The following N4BP2L2 variants were observed in gnomAD, a reference collection of about 807,000 sequenced individuals.
The protein encoded by N4BP2L2 is NEDD4-binding protein 2-like 2.
Under a neutral mutation model 56.2 loss-of-function variants are expected in N4BP2L2, and 50 were observed. The ratio of observed to expected loss-of-function variants is 0.89; its 90% confidence interval spans 0.71 to 1.13. The LOEUF is 1.13. Ranked by LOEUF, N4BP2L2 falls within the 50% of genes most tolerant of loss-of-function variation. N4BP2L2 has a pLI of 0.00. For synonymous variants in N4BP2L2, 203 were observed against 223.6 expected (o/e 0.91, Z 0.82); for missense variants, 689 against 693.8 (o/e 0.99, Z 0.08).
chr13:32,450,410 C>T (rs372996295), intron 6 of N4BP2L2, among the ~76,000 whole-genome samples: 34 of 149,764 alleles, frequency 2.3e-4, no homozygotes, highest in African/African-American at 7.9e-4. Flanking sequence ...CTGCAAGCTC[C>T]GCCTCCCAGG....
exon 7 of N4BP2L2, chr13:32,443,026 T>C (rs1431750366): frequency 1.2e-6 from 2 of 1,609,234 alleles, no homozygotes; most frequent in Non-Finnish European, 8.5e-7. Context: ...GATACGACTC[T>C]GTCCTAATAA....
chr13:32,495,261 T>C (rs1022385641), intron 6 of N4BP2L2, among the ~76,000 whole-genome samples: 7 of 152,110 alleles, frequency 4.6e-5, no homozygotes, highest in African/African-American at 1.7e-4. Context: ...ATTTGGCAAA[T>C]AGTGTCCTGA....
intron 6 of N4BP2L2, among the ~76,000 whole-genome samples, chr13:32,458,612 A>C (rs573428763): frequency 1.3e-5 from 2 of 152,320 alleles, no homozygotes; most frequent in East Asian, 3.9e-4. Context: ...GTATGCACCC[A>C]ACATCAAAGC....
chr13:32,495,913 C>T (rs77551387), intron 6 of N4BP2L2, among the ~76,000 whole-genome samples: 12,005 of 152,140 alleles, frequency 0.079, 568 homozygotes, highest in East Asian at 0.21. Context: ...TAACTCCTGA[C>T]TTCAAGTGAT....
At chr13:32,471,831 C>G (rs1289249219) in intron 6 of N4BP2L2, among the ~76,000 whole-genome samples, 1 of 152,242 alleles carries the variant, frequency 6.6e-6, no homozygotes, top group East Asian at 1.9e-4. Flanking sequence ...AGTGTTCTTT[C>G]AGCTATTTGT....
At chr13:32,491,635 A>ATAT (rs1418093932) in intron 6 of N4BP2L2, among the ~76,000 whole-genome samples, 35 of 132,474 alleles carry the variant, frequency 2.6e-4, no homozygotes, top group South Asian at 4.8e-4. Flanking sequence ...ATATATATAT[A>ATAT]TTTTTTTTTT....
chr13:32,477,773 G>T, intron 6 of N4BP2L2: 1 of 862,462 alleles, frequency 1.2e-6, no homozygotes, highest in Non-Finnish European at 1.6e-6. Flanking sequence ...GTTCCAATTG[G>T]GCCTGACCAG....
chr13:32,498,987 TAA>T (rs34972549), intron 6 of N4BP2L2, among the ~76,000 whole-genome samples: 139 of 87,104 alleles, frequency 1.6e-3, no homozygotes, highest in African/African-American at 2.5e-3. Context: ...AGACTCTGTC[TAA>T]AAAAAAAAAA....
intron 6 of N4BP2L2, among the ~76,000 whole-genome samples, chr13:32,502,103 G>A (rs903708994): frequency 4.4e-5 from 6 of 136,590 alleles, no homozygotes; most frequent in South Asian, 2.3e-4. Context: ...TTGCTCTGTC[G>A]CCCAGGCTGG....
At chr13:32,472,427 T>C (rs1447413884) in intron 6 of N4BP2L2, among the ~76,000 whole-genome samples, 2 of 152,208 alleles carry the variant, frequency 1.3e-5, no homozygotes, top group Non-Finnish European at 2.9e-5. Flanking sequence ...TTTTTCTTCA[T>C]ATATAATGCC....
intron 6 of N4BP2L2, among the ~76,000 whole-genome samples, chr13:32,488,046 T>C (rs774967826): frequency 6.6e-6 from 1 of 151,988 alleles, no homozygotes; most frequent in African/African-American, 2.4e-5. Flanking sequence ...ACTATCATCA[T>C]CCCCATTTAA....
At chr13:32,440,568 G>T (rs2076160166) in intron 7 of N4BP2L2, among the ~76,000 whole-genome samples, 1 of 152,008 alleles carries the variant, frequency 6.6e-6, no homozygotes, top group African/African-American at 2.4e-5. Flanking sequence ...CCAGGTTCAA[G>T]CAATTATCCT....
In N4BP2L2 at chr13:32,481,118, C is replaced by CAAAAAAAAAAAAAAAAAAAAAAA. The variant is rs60854435; in HGVS notation, c.365+36716_365+36738dup. Among the ~76,000 whole-genome samples, 3 of 20,714 alleles carry CAAAAAAAAAAAAAAAAAAAAAAA rather than the reference C, an allele frequency of 1.4e-4. 1 individual carries two copies. Among genetic ancestry groups the CAAAAAAAAAAAAAAAAAAAAAAA allele is most frequent in the Admixed American group, 9.2e-4 (1 of 1,086 alleles). The allele number at this position is 20,714 out of a possible 152,430, so 13.6% of individuals were successfully genotyped here. ...TCAGCAACAGAGTGAGACTCTGTCT[C>CAAAAAAAAAAAAAAAAAAAAAAA]AAAAAAAAAAAAAAAAAAAAAAAAA... On this transcript the variant is annotated intron_variant, in intron 6 of 9. Coordinates refer to the N4BP2L2 transcript ENST00000357505.
At chr13:32,516,355 C>G (rs908440379) in exon 6 of N4BP2L2, 2 of 152,094 alleles carry the variant, frequency 1.3e-5, no homozygotes, top group Non-Finnish European at 2.9e-5. Context: ...TACAAACACA[C>G]GTATTAAACA....
chr13:32,537,995 G>C (rs2056983116), intron 1 of N4BP2L2, among the ~76,000 whole-genome samples: 1 of 149,688 alleles, frequency 6.7e-6, no homozygotes, highest in Non-Finnish European at 1.5e-5. Flanking sequence ...GCTTGAACCC[G>C]GGGGGGGCGG....
At chr13:32,474,527 T>TAAA (rs34753353) in intron 6 of N4BP2L2, among the ~76,000 whole-genome samples, 1 of 136,136 alleles carries the variant, frequency 7.3e-6, no homozygotes, top group Non-Finnish European at 1.6e-5. Flanking sequence ...CTGTCTCTAC[T>TAAA]AAAAAAAAAA....
chr13:32,526,481 A>T (rs2052830348), intron 3 of N4BP2L2, among the ~76,000 whole-genome samples: 1 of 152,186 alleles, frequency 6.6e-6, no homozygotes, highest in Non-Finnish European at 1.5e-5. Context: ...AATTTGCTTT[A>T]AAAAGAGAAA....
chr13:32,491,640 T>A (rs1055649920), intron 6 of N4BP2L2, among the ~76,000 whole-genome samples: 32 of 127,792 alleles, frequency 2.5e-4, no homozygotes, highest in South Asian at 2.2e-3. Flanking sequence ...TATATATTTT[T>A]TTTTTTTTTG....
At chr13:32,527,353 G>A in intron 3 of N4BP2L2, 55 bp downstream of exon 3, 1 of 1,580,464 alleles carries the variant, frequency 6.3e-7, no homozygotes, top group Non-Finnish European at 8.6e-7. Context: ...TAAAATCTAG[G>A]TCTTTTGACT....
Sources: gnomAD v4.1 joint callset for allele counts (sites outside exome capture counted in the v4.1 genomes callset) on GRCh38, gnomAD v4.1.1 for gene constraint, MANE v1.5 for transcripts, NCBI Gene and HGNC (gene_info 2026-07-23, HGNC 2026-07-21) for gene names.